ENAH: variants seen among roughly 807,000 people sequenced by gnomAD.
ENAH encodes ENAH actin regulator.
In ENAH, 23 loss-of-function variants were observed where a neutral mutation model predicts 78.7. The observed-to-expected ratio is 0.29, with a 90% CI of 0.21 to 0.41. The LOEUF (loss-of-function observed/expected upper bound fraction) is 0.41. Ranked by LOEUF, ENAH falls within the 10% of genes least tolerant of loss-of-function variation. ENAH has a pLI of 1.00. For synonymous variants in ENAH, 226 were observed against 241.0 expected (o/e 0.94, Z 0.58); for missense variants, 544 against 691.0 (o/e 0.79, Z 2.39).
At chr1:225,610,832 G>A (rs1320980701) in intron 1 of ENAH, among the ~76,000 whole-genome samples, 2 of 152,064 alleles carry the variant, frequency 1.3e-5, no homozygotes, top group Non-Finnish European at 2.9e-5. Flanking sequence ...ACAAATAGCA[G>A]AATATTCACG....
intron 1 of ENAH, among the ~76,000 whole-genome samples, chr1:225,585,996 T>C (rs1280767356): frequency 6.6e-6 from 1 of 152,010 alleles, no homozygotes; most frequent in East Asian, 1.9e-4. Context: ...GAAGAACTGT[T>C]TGAGCCCAGG....
chr1:225,545,910 CTT>C (rs56105983), intron 3 of ENAH, among the ~76,000 whole-genome samples: 4,746 of 109,268 alleles, frequency 0.043, 187 homozygotes, highest in East Asian at 0.093. Context: ...CATCTGTAAA[CTT>C]TTTTTTTTTT....
chr1:225,548,023 G>C (rs951113525), intron 3 of ENAH, among the ~76,000 whole-genome samples: 3 of 152,162 alleles, frequency 2.0e-5, no homozygotes, highest in African/African-American at 7.2e-5. Context: ...GACAAGACTT[G>C]TGTCTAATTT....
intron 2 of ENAH, among the ~76,000 whole-genome samples, chr1:225,558,109 G>C (rs2096676768): frequency 6.6e-6 from 1 of 152,060 alleles, no homozygotes; most frequent in Non-Finnish European, 1.5e-5. Context: ...ATTTTTGTTT[G>C]ATATTGCTCT....
intron 1 of ENAH, among the ~76,000 whole-genome samples, chr1:225,637,283 C>A (rs1226527914): frequency 1.3e-5 from 2 of 152,320 alleles, no homozygotes; most frequent in East Asian, 3.9e-4. Flanking sequence ...TCTCTGCTCA[C>A]TGCAACCTCT....
chr1:225,636,445 A>G (rs925678439), intron 1 of ENAH, among the ~76,000 whole-genome samples: 2 of 152,260 alleles, frequency 1.3e-5, no homozygotes, highest in Non-Finnish European at 2.9e-5. Flanking sequence ...TTAAAATGTT[A>G]TACCATGACA....
At chr1:225,544,341 G>A (rs567441120) in intron 3 of ENAH, among the ~76,000 whole-genome samples, 1 of 152,270 alleles carries the variant, frequency 6.6e-6, no homozygotes, top group Admixed American at 6.5e-5. Flanking sequence ...GACATCCTCA[G>A]GTCATTGTAG....
intron 1 of ENAH, among the ~76,000 whole-genome samples, chr1:225,626,095 C>T (rs1657904074): frequency 6.6e-6 from 1 of 152,096 alleles, no homozygotes; most frequent in African/African-American, 2.4e-5. Flanking sequence ...TCTAGAAAAA[C>T]CATGAAGAAA....
At chr1:225,639,721 C>A (rs936700286) in intron 1 of ENAH, among the ~76,000 whole-genome samples, 1 of 148,000 alleles carries the variant, frequency 6.8e-6, no homozygotes, top group Non-Finnish European at 1.5e-5. Flanking sequence ...CACACACACA[C>A]ACACACACAC....
chr1:225,582,162 C>T lies in ENAH; in HGVS notation c.6-14748G>A, dbSNP rs116525189. 5.2e-3 allele frequency among the ~76,000 whole-genome samples: 786 copies of T among 152,094 alleles called. 5 individuals are homozygous for T. Among genetic ancestry groups the T allele is most frequent in the African/African-American group, 0.018 (756 of 41,498 alleles). The stretch of plus-strand genomic sequence containing the variant: ...CTCATGAGATCTGGTTGTCTTCCCC[C>T]CCTCTCTCTCTCTTGCTCCTGCTCC... On this transcript the variant is annotated intron_variant, in intron 1 of 13. Coordinates refer to ENST00000366843, the MANE Select transcript of ENAH (RefSeq NM_018212.6).
chr1:225,548,478 C>G (rs1366149306), intron 3 of ENAH, among the ~76,000 whole-genome samples: 2 of 152,150 alleles, frequency 1.3e-5, no homozygotes, highest in African/African-American at 4.8e-5. Context: ...CAAATTTTTG[C>G]TTTCCTAATT....
chr1:225,512,548 A>G, intron 9 of ENAH, 109 bp downstream of exon 9: 2 of 1,106,524 alleles, frequency 1.8e-6, no homozygotes, highest in Non-Finnish European at 2.5e-6. Flanking sequence ...AGCAAATATA[A>G]GTTCAAACTA....
intron 5 of ENAH, 55 bp from the exon 6 acceptor site, chr1:225,517,361 G>A: frequency 1.9e-6 from 3 of 1,551,784 alleles, no homozygotes; most frequent in East Asian, 2.4e-5. Flanking sequence ...GAGGCAATAG[G>A]GGTGCTTGGA....
chr1:225,586,241 C>A (rs1188654060), intron 1 of ENAH, among the ~76,000 whole-genome samples: 375 of 100,526 alleles, frequency 3.7e-3, no homozygotes, highest in South Asian at 6.9e-3. Context: ...GAGACAAGCT[C>A]AAAAAAAAAA....
chr1:225,554,861 C>T, intron 3 of ENAH, 45 bp downstream of exon 3: 1 of 1,435,730 alleles, frequency 7.0e-7, no homozygotes, highest in Non-Finnish European at 9.3e-7. Flanking sequence ...TTTGCTTTGT[C>T]TCTGGAAAAA....
chr1:225,526,191 T>C (rs945987334), intron 4 of ENAH, among the ~76,000 whole-genome samples: 1 of 152,238 alleles, frequency 6.6e-6, no homozygotes, highest in Non-Finnish European at 1.5e-5. Flanking sequence ...CCAGAACTTC[T>C]ATTATTTGGA....
At chr1:225,535,399 C>T (rs983287932) in intron 3 of ENAH, 13 of 570,774 alleles carry the variant, frequency 2.3e-5, no homozygotes, top group Non-Finnish European at 2.9e-5. Context: ...TGCTATATAT[C>T]CCAAATATCA....
At position 225,516,192 on chromosome 1, in the gene ENAH, ACGG is replaced by A. The variant is rs371777094; in HGVS notation, c.913+1001_913+1003del. Reference sequence around the variant, plus strand: ...CTGTTACCATAACAATAAGGTAGGGACGGGGAGAATAACTACAGAGGATGCTAT... The same window carrying A: ...CTGTTACCATAACAATAAGGTAGGGAGGAGAATAACTACAGAGGATGCTAT... On this transcript the variant is annotated intron_variant, in intron 6 of 13. Coordinates refer to ENST00000366843, the MANE Select transcript of ENAH (RefSeq NM_018212.6). Among the ~76,000 whole-genome samples, 16 of 152,276 alleles carry A rather than the reference ACGG, an allele frequency of 1.1e-4. No individual in the cohort carries two copies. The East Asian group carries it at 2.9e-3, about 28-fold the overall frequency.
intron 10 of ENAH, among the ~76,000 whole-genome samples, chr1:225,510,830 G>A (rs1040670559): frequency 4.0e-5 from 6 of 151,622 alleles, no homozygotes; most frequent in Non-Finnish European, 7.4e-5. Context: ...TGGGCAACAT[G>A]GTGAAACCCT....
Sources: allele counts gnomAD v4.1 joint callset (sites outside exome capture counted in the v4.1 genomes callset), GRCh38; gene constraint gnomAD v4.1.1; transcripts MANE v1.5; gene names NCBI Gene and HGNC (gene_info 2026-07-23, HGNC 2026-07-21).